Variants in MCM10 observed in about 807,000 individuals in gnomAD.
MCM10 encodes protein MCM10 homolog.
A neutral mutation model predicts 109.9 loss-of-function variants in MCM10; 91 were observed. That is an observed-to-expected ratio of 0.83 (90% confidence interval 0.70 to 0.99). The LOEUF is 0.99. Ranked by LOEUF, MCM10 falls within the 50% of genes least tolerant of loss-of-function variation. The probability of loss-of-function intolerance (pLI) is 0.00; values close to 1 mark genes in which losing one functional copy is unlikely to be tolerated. For missense variants in MCM10, 1,077 were observed against 1,061.2 expected (o/e 1.01, Z -0.21); for synonymous variants, 380 against 387.2 (o/e 0.98, Z 0.22).
intron 14 of MCM10, among the ~76,000 whole-genome samples, chr10:13,197,100 C>A (rs573311437): frequency 6.6e-6 from 1 of 151,886 alleles, no homozygotes; most frequent in South Asian, 2.1e-4. Flanking sequence ...TAATTTTGTA[C>A]CATGCCCAGA....
At chr10:13,202,408 C>T (rs1179629957) in intron 17 of MCM10, among the ~76,000 whole-genome samples, 1 of 152,170 alleles carries the variant, frequency 6.6e-6, no homozygotes, top group Non-Finnish European at 1.5e-5. Flanking sequence ...ACTGTTCCTT[C>T]CATTACCATT....
At chr10:13,197,552 A>G (rs2131584280) in intron 14 of MCM10, 71 bp from the exon 15 acceptor site, 11 of 1,406,132 alleles carry the variant, frequency 7.8e-6, no homozygotes, top group Non-Finnish European at 1.1e-5. Flanking sequence ...CTAATAAAAA[A>G]GGGATCCAGG....
rs879267834 is a variant in MCM10 at position 13,175,123 on chromosome 10, C to CA, written c.593-376dup. On this transcript the variant is annotated intron_variant, in intron 5 of 19. Coordinates refer to ENST00000378714, the MANE Select transcript of MCM10 (RefSeq NM_018518.5). ...GGGCAACAAGAGTGAAACTCCATCT[C>CA]AAAAAAAAAAAGGAACAGTTCGGAC... Among the ~76,000 whole-genome samples, 63 of 138,578 alleles carry CA rather than the reference C, an allele frequency of 4.5e-4. 1 individual carries two copies. The highest frequency in any genetic ancestry group is 1.1e-3 in the African/African-American group (43 of 37,656). The allele number at this position is 138,578 out of a possible 152,430, so 90.9% of individuals were successfully genotyped here.
At position 13,199,615 on chromosome 10, in the gene MCM10, C is replaced by T. The variant is rs370136425; in HGVS notation, c.2238+808C>T. Among the ~76,000 whole-genome samples the T allele has an allele frequency of 9.0e-4, 137 of 151,698 alleles. 1 individual carries two copies. In the Middle Eastern group the frequency reaches 0.01, roughly 11 times the overall value. On this transcript the variant is annotated intron_variant, in intron 16 of 19. Coordinates refer to ENST00000378714, the MANE Select transcript of MCM10 (RefSeq NM_018518.5). ...TATGAATTACCTATACTAGTCATTT[C>T]GAAAAAAATCAATAAATATCCTAAT...
At chr10:13,195,934 C>T (rs564069310) in intron 14 of MCM10, among the ~76,000 whole-genome samples, 4 of 151,922 alleles carry the variant, frequency 2.6e-5, no homozygotes, top group East Asian at 1.9e-4. Context: ...GACAGACTAT[C>T]CCCCTGTCAC....
Position 13,171,123 on chromosome 10 carries a change from A to T in MCM10, c.209A>T (p.Glu70Val). The change falls in exon 3 of 20, where the codon GAA (glutamate) becomes GTA (valine). Residue 70 changes from glutamate to valine, a missense_variant. Coordinates refer to ENST00000378714, the MANE Select transcript of MCM10 (RefSeq NM_018518.5). ...DDGETGETRD[E>V]KENLATLFGD... is the part of the protein sequence containing the mutation. ...GGAGAAACAGGAGAGACAAGAGACG[A>T]AAAGGAAAATCTGGCCACTCTCTTT... 1.2e-6 allele frequency: 2 copies of T among 1,614,244 alleles called. No homozygotes were observed. Among genetic ancestry groups the T allele is most frequent in the Middle Eastern group, 1.6e-4 (1 of 6,062 alleles).
chr10:13,180,746 T>C (rs540623906), intron 7 of MCM10, 139 bp downstream of exon 7: 29 of 980,348 alleles, frequency 3.0e-5, no homozygotes, highest in Middle Eastern at 3.2e-4. Flanking sequence ...CCACACATCA[T>C]TGAGTTGGTA....
chr10:13,184,082 T>G (rs535721224), intron 8 of MCM10, among the ~76,000 whole-genome samples: 3 of 152,210 alleles, frequency 2.0e-5, no homozygotes, highest in Non-Finnish European at 4.4e-5. Flanking sequence ...GGTTTTGAAC[T>G]CCTGACCTCA....
At chr10:13,197,528 G>A in intron 14 of MCM10, 95 bp from the exon 15 acceptor site, 1 of 1,141,152 alleles carries the variant, frequency 8.8e-7, no homozygotes. Context: ...AGAACAGCCA[G>A]AATTCACTGG....
chr10:13,204,859 A>G (rs1025049973), intron 18 of MCM10, among the ~76,000 whole-genome samples: 1 of 152,080 alleles, frequency 6.6e-6, no homozygotes, highest in African/African-American at 2.4e-5. Flanking sequence ...ATATTTGCAT[A>G]TAACATGCAC....
Position 13,167,533 on chromosome 10 carries a change from G to C in MCM10, c.7+3324G>C, listed in dbSNP as rs372959716. 2.6e-5 allele frequency among the ~76,000 whole-genome samples: 4 copies of C among 151,514 alleles called. 1 individual carries two copies. The highest frequency in any genetic ancestry group is 5.9e-5 in the Non-Finnish European group (4 of 67,872). ...AAGATGTTGGCTGGATCATCCTTGC[G>C]GAGGTTGAAGTGCCCCAGGAGGGTG... On this transcript the variant is annotated intron_variant, in intron 2 of 19. Coordinates refer to ENST00000378714, the MANE Select transcript of MCM10 (RefSeq NM_018518.5).
chr10:13,166,653 CATACATACATATATAT>C lies in MCM10; in HGVS notation c.7+2448_7+2463del, dbSNP rs1259943443. Among the ~76,000 whole-genome samples the C allele has an allele frequency of 2.9e-4, 13 of 45,530 alleles. 1 individual carries two copies. Among genetic ancestry groups the C allele is most frequent in the Admixed American group, 1.4e-3 (7 of 4,880 alleles). 29.9% of individuals were successfully genotyped at this position (45,530 alleles called of 152,430 possible). ...TCTGTCTCAAAAAAAAAAAAAAATA[CATACATACATATATAT>C]ATATATATATATATATATATCATCA... On this transcript the variant is annotated intron_variant, in intron 2 of 19. Coordinates refer to ENST00000378714, the MANE Select transcript of MCM10 (RefSeq NM_018518.5).
intron 7 of MCM10, among the ~76,000 whole-genome samples, chr10:13,181,313 T>C (rs540764618): frequency 6.6e-4 from 101 of 152,348 alleles, no homozygotes; most frequent in African/African-American, 2.3e-3. Flanking sequence ...CATGATGTTA[T>C]TCTCTAATTT....
intron 15 of MCM10, 77 bp downstream of exon 15, chr10:13,197,844 C>G: frequency 6.9e-7 from 1 of 1,444,816 alleles, no homozygotes. Context: ...CAAACCAGCA[C>G]CCAGATATCA....
Position 13,209,238 on chromosome 10 carries a change from TCCAAAGATAGGAGGAGAAACTCTGTTA to T in MCM10, c.2558_2584del (p.Lys853_Pro861del), listed in dbSNP as rs1834626219. On this transcript the variant is annotated inframe_deletion, in exon 20 of 20. Transcript: ENST00000378714. ...TTTCATTTTTCTAGGAAAAGACTGG[TCCAAAGATAGGAGGAGAAACTCTGTTA>T]CCAAGAGGAGAAGAACATGCTAAAT... 1.2e-6 allele frequency: 2 copies of T among 1,613,548 alleles called. No homozygotes were observed. The highest frequency in any genetic ancestry group is 1.7e-6 in the Non-Finnish European group (2 of 1,179,626).
intron 1 of MCM10, among the ~76,000 whole-genome samples, chr10:13,162,581 T>C (rs1473956290): frequency 6.6e-6 from 1 of 152,040 alleles, no homozygotes; most frequent in Non-Finnish European, 1.5e-5. Context: ...GTTTTGGAGA[T>C]GGGACCACAG....
Position 13,180,748 on chromosome 10 carries a change from G to A in MCM10, c.930+141G>A, listed in dbSNP as rs1834200115. 10 of 969,368 alleles carry A rather than the reference G, an allele frequency of 1.0e-5. No homozygotes were observed. In the Admixed American group the frequency reaches 2.2e-4, roughly 21 times the overall value. The allele number at this position is 969,368 out of a possible 1,614,324, so 60.0% of individuals were successfully genotyped here. On this transcript the variant is annotated intron_variant, in intron 7 of 19. Coordinates refer to ENST00000378714, the MANE Select transcript of MCM10 (RefSeq NM_018518.5). ...AGTTCCAGAATCACCACACATCATTGAGTTGGTATCCAGCGGGTATAAGCA... is the reference window on the plus strand; with the variant it reads ...AGTTCCAGAATCACCACACATCATTAAGTTGGTATCCAGCGGGTATAAGCA...
At position 13,198,616 on chromosome 10, in the gene MCM10, A is replaced by G; in HGVS notation, c.2120-73A>G. On this transcript the variant is annotated intron_variant, in intron 15 of 19. Coordinates refer to ENST00000378714, the MANE Select transcript of MCM10 (RefSeq NM_018518.5). ...GGCAGAGGAGGAGGGAGTGGGAGGG[A>G]GTAGAGTTGATGAGGCGCACTGGCT... 1.4e-5 allele frequency: 13 copies of G among 916,652 alleles called. No individual in the cohort carries two copies. The South Asian group carries it at 1.7e-4, about 12-fold the overall frequency. The allele number at this position is 916,652 out of a possible 1,614,324, so 56.8% of individuals were successfully genotyped here. A position where few individuals can be genotyped will look rare whatever the true frequency, so the allele number is the denominator to read the frequency against.
intron 5 of MCM10, among the ~76,000 whole-genome samples, chr10:13,174,053 C>T (rs1325238358): frequency 6.6e-6 from 1 of 151,860 alleles, no homozygotes; most frequent in Non-Finnish European, 1.5e-5. Flanking sequence ...AATACCAGAC[C>T]CCTAACTTTC....
Sources: allele counts gnomAD v4.1 joint callset (sites outside exome capture counted in the v4.1 genomes callset), GRCh38; gene constraint gnomAD v4.1.1; transcripts MANE v1.5; gene names NCBI Gene and HGNC (gene_info 2026-07-23, HGNC 2026-07-21).